The following AHI1 variants were observed in gnomAD, a reference collection of about 807,000 sequenced individuals.
The protein encoded by AHI1 is Abelson helper integration site 1.
In AHI1, 123 loss-of-function variants were observed where a neutral mutation model predicts 149.3. That is an observed-to-expected ratio of 0.82 (90% CI 0.71 to 0.96). The LOEUF (loss-of-function observed/expected upper bound fraction) is 0.96. AHI1 is among the 40% of genes least tolerant of loss of function. The pLI is 0.00. For missense variants in AHI1, 1,439 were observed against 1,422.7 expected, an observed-to-expected ratio of 1.01 and a Z score of -0.18; for synonymous variants, 475 against 459.8, an observed-to-expected ratio of 1.03 and a Z score of -0.42.
chr6:135,334,763 T>C (rs1789118881), intron 24 of AHI1, among the ~76,000 whole-genome samples: 1 of 152,228 alleles, frequency 6.6e-6, no homozygotes, highest in Non-Finnish European at 1.5e-5. Context: ...AGGGATAATC[T>C]GCTCACTATA....
intron 23 of AHI1, among the ~76,000 whole-genome samples, chr6:135,390,651 C>T (rs1433870621): frequency 6.6e-6 from 1 of 151,952 alleles, no homozygotes; most frequent in East Asian, 1.9e-4. Context: ...GACATGACTG[C>T]CACTAGCTAT....
chr6:135,471,700 A>G (rs189986705), intron 5 of AHI1, among the ~76,000 whole-genome samples: 1 of 152,146 alleles, frequency 6.6e-6, no homozygotes, highest in Non-Finnish European at 1.5e-5. Flanking sequence ...CTGCTATTAA[A>G]ATCAGCTTTA....
chr6:135,482,894 C>CTTTTTTTTGTTTTTTTTTTTTTTTTTT lies in AHI1; in HGVS notation c.135+7728_135+7729insAAAAAAAAAAAAAAAAAACAAAAAAAA, dbSNP rs1793907719. 3.6e-5 allele frequency among the ~76,000 whole-genome samples: 2 copies of CTTTTTTTTGTTTTTTTTTTTTTTTTTT among 55,732 alleles called. 1 individual carries two copies. Among genetic ancestry groups the CTTTTTTTTGTTTTTTTTTTTTTTTTTT allele is most frequent in the Non-Finnish European group, 5.7e-5 (2 of 35,358 alleles). The allele number at this position is 55,732 out of a possible 152,430, so 36.6% of individuals were successfully genotyped here. ...TTCAACCAGTATAATCCATTTAAGG[C>CTTTTTTTTGTTTTTTTTTTTTTTTTTT]TTTTTTTTTTTTTTTGAGACAGAGT... On this transcript the variant is annotated intron_variant, in intron 5 of 28. Transcript: ENST00000265602.
Position 135,428,665 on chromosome 6 carries a change from C to T in AHI1, c.2587G>A (p.Glu863Lys). 6.2e-7 allele frequency: 1 copy of T among 1,608,880 alleles called. No homozygotes were observed. Among genetic ancestry groups the T allele is most frequent in the Non-Finnish European group, 8.5e-7 (1 of 1,176,934 alleles). ...PCGTFLFAGS[E>K]DGIVYVWNPE... is the part of the protein sequence containing the mutation. ...TTCCAAACATACACTATACCATCCT[C>T]ACTTCCAGCAAACAGAAAAGTCCCA... The change falls in exon 19 of 29, where the codon GAG (glutamate) becomes AAG (lysine). Residue 863 changes from glutamate to lysine, a missense_variant. Coordinates refer to ENST00000265602, the MANE Select transcript of AHI1 (RefSeq NM_001134831.2).
chr6:135,386,537 C>T (rs1021076842), intron 23 of AHI1, among the ~76,000 whole-genome samples: 1 of 152,176 alleles, frequency 6.6e-6, no homozygotes, highest in Non-Finnish European at 1.5e-5. Flanking sequence ...GTCTCGATCT[C>T]CTGACCTTGT....
At chr6:135,339,543 CA>C (rs536983535) in intron 24 of AHI1, among the ~76,000 whole-genome samples, 96 of 152,124 alleles carry the variant, frequency 6.3e-4, no homozygotes, top group African/African-American at 2.3e-3. Context: ...TTGAAAAGAA[CA>C]ATATTCACTA....
intron 18 of AHI1, 43 bp from the exon 19 acceptor site, chr6:135,428,802 T>C (rs746450081): frequency 2.0e-6 from 3 of 1,509,738 alleles, no homozygotes; most frequent in Non-Finnish European, 1.8e-6. Context: ...GTCTTAATCA[T>C]GTAAATGACT....
Position 135,453,408 on chromosome 6 carries a change from A to G in AHI1, c.1373T>C (p.Ile458Thr). ...GTTTTGAACCTCAGAATTATTCTTA[A>G]TTTCATCCACGCTTAAGAAATCAAG... ...EILDFLSVDE[I>T]KNNSEVQNQE... is the part of the protein sequence containing the mutation. Residue 458 changes from isoleucine to threonine, a missense_variant, in exon 11 of 29, where the codon ATT (isoleucine) becomes ACT (threonine). Coordinates refer to ENST00000265602, the MANE Select transcript of AHI1 (RefSeq NM_001134831.2). The G allele has an allele frequency of 6.4e-7, 1 of 1,558,752 alleles. No homozygotes were observed. The highest frequency in any genetic ancestry group is 8.7e-7 in the Non-Finnish European group (1 of 1,150,026).
chr6:135,487,125 T>G (rs1031506459), intron 5 of AHI1, among the ~76,000 whole-genome samples: 1 of 152,126 alleles, frequency 6.6e-6, no homozygotes, highest in African/African-American at 2.4e-5. Context: ...TTAAACTATT[T>G]ACATTTATTG....
intron 28 of AHI1, among the ~76,000 whole-genome samples, chr6:135,288,389 A>G (rs1471704980): frequency 6.6e-6 from 1 of 152,074 alleles, no homozygotes; most frequent in African/African-American, 2.4e-5. Flanking sequence ...TGGTTTCTTT[A>G]AATGTAGAAA....
In AHI1 at chr6:135,497,690, G is replaced by C. The variant is rs1457282730; in HGVS notation, c.-309C>G. ...GTGCGCGAAGTGAGGCGGCCACGCA[G>C]CCACCTAACCCGCCAGCGACCCGTG... On this transcript the variant is annotated 5_prime_UTR_variant, in exon 1 of 29. Coordinates refer to ENST00000265602, the MANE Select transcript of AHI1 (RefSeq NM_001134831.2). The C allele has an allele frequency of 6.1e-6, 1 of 164,670 alleles. No individual in the cohort carries two copies. The highest frequency in any genetic ancestry group is 1.4e-5 in the Non-Finnish European group (1 of 74,066). The allele number at this position is 164,670 out of a possible 1,614,324, so 10.2% of individuals were successfully genotyped here. A position where few individuals can be genotyped will look rare whatever the true frequency, so the allele number is the denominator to read the frequency against.
At chr6:135,418,373 T>C (rs975156294) in intron 20 of AHI1, among the ~76,000 whole-genome samples, 3 of 152,152 alleles carry the variant, frequency 2.0e-5, no homozygotes, top group Admixed American at 2.0e-4. Context: ...TTACTTCTAA[T>C]AGGCTATCAT....
At chr6:135,365,797 TTA>T (rs756598973) in intron 23 of AHI1, among the ~76,000 whole-genome samples, 4 of 152,214 alleles carry the variant, frequency 2.6e-5, no homozygotes. Context: ...TGAATGTCCT[TTA>T]TTTCTTTCCC....
chr6:135,435,983 A>G (rs1421118791), intron 15 of AHI1, among the ~76,000 whole-genome samples: 3 of 152,194 alleles, frequency 2.0e-5, no homozygotes, highest in Non-Finnish European at 2.9e-5. Flanking sequence ...AATATATGTA[A>G]GAGAATTAAA....
chr6:135,405,083 G>T (rs967741672), intron 21 of AHI1, 106 bp from the exon 22 acceptor site: 2 of 944,460 alleles, frequency 2.1e-6, no homozygotes, highest in South Asian at 3.2e-5. Flanking sequence ...ATCAGCATTT[G>T]GAAGTTTCTT....
intron 23 of AHI1, among the ~76,000 whole-genome samples, chr6:135,376,854 C>G (rs560211287): frequency 8.4e-6 from 1 of 118,370 alleles, no homozygotes; most frequent in Non-Finnish European, 1.6e-5. Flanking sequence ...TGCAATCCAG[C>G]CTCGGTGACA....
At chr6:135,481,164 C>T (rs1231316255) in intron 5 of AHI1, among the ~76,000 whole-genome samples, 1 of 152,168 alleles carries the variant, frequency 6.6e-6, no homozygotes, top group Non-Finnish European at 1.5e-5. Flanking sequence ...ACTGTAGAGT[C>T]CTCACCAGCA....
In AHI1 at chr6:135,313,345, TC is replaced by T. The variant is rs1785478712; in HGVS notation, c.3426+5173del. 3.3e-5 allele frequency among the ~76,000 whole-genome samples: 5 copies of T among 152,328 alleles called. No homozygotes were observed. The South Asian group carries it at 1.0e-3, about 32-fold the overall frequency. ...AAATCATGTTCTTCAACAAAAGAAA[TC>T]CACGCATCTTAAGATTTAAAGCCTA... On this transcript the variant is annotated intron_variant, in intron 26 of 28. Transcript: ENST00000265602.
chr6:135,307,837 G>A (rs1012583622), intron 26 of AHI1, among the ~76,000 whole-genome samples: 6 of 152,048 alleles, frequency 3.9e-5, no homozygotes, highest in South Asian at 2.1e-4. Context: ...AAATCTGGCC[G>A]TGTCTGAAAG....
Sources: gnomAD v4.1 joint callset for allele counts (sites outside exome capture counted in the v4.1 genomes callset) on GRCh38, gnomAD v4.1.1 for gene constraint, MANE v1.5 for transcripts, NCBI Gene and HGNC (gene_info 2026-07-23, HGNC 2026-07-21) for gene names.